MEGF11: variants seen among roughly 807,000 people sequenced by gnomAD.
MEGF11 encodes the protein multiple epidermal growth factor-like domains protein 11.
In MEGF11, 126 loss-of-function variants were observed where a neutral mutation model predicts 146.6. The observed-to-expected ratio is 0.86, with a 90% confidence interval of 0.74 to 1.00. The LOEUF (loss-of-function observed/expected upper bound fraction) is 1.00. Ranked by LOEUF, MEGF11 falls within the 50% of genes least tolerant of loss-of-function variation. The pLI is 0.00. For synonymous variants in MEGF11, 532 were observed against 583.4 expected (o/e 0.91, Z 1.27); for missense variants, 1,509 against 1,521.2 (o/e 0.99, Z 0.13).
At chr15:66,108,604 C>A (rs181906953) in intron 4 of MEGF11, among the ~76,000 whole-genome samples, 104 of 152,214 alleles carry the variant, frequency 6.8e-4, no homozygotes, top group Non-Finnish European at 8.4e-4. Flanking sequence ...GAGGGACGGG[C>A]CATCTGGTGC....
chr15:65,925,879 T>C (rs1288839885), intron 13 of MEGF11, among the ~76,000 whole-genome samples: 1 of 152,190 alleles, frequency 6.6e-6, no homozygotes, highest in East Asian at 1.9e-4. Context: ...GACAAGCATC[T>C]CTTTGATAAT....
chr15:65,966,082 G>A (rs942551895), intron 8 of MEGF11, among the ~76,000 whole-genome samples: 6 of 152,024 alleles, frequency 3.9e-5, no homozygotes, highest in Admixed American at 2.0e-4. Context: ...TGCAACCTCC[G>A]CCTCCCAGGT....
At chr15:65,962,123 A>G (rs1305126448) in intron 9 of MEGF11, among the ~76,000 whole-genome samples, 1 of 152,216 alleles carries the variant, frequency 6.6e-6, no homozygotes. Flanking sequence ...AACTGTCTTA[A>G]GATTAGAAGT....
chr15:65,982,305 TGTCGGCACTGGCACGGC>T lies in MEGF11; in HGVS notation c.561_577del (p.Pro188ArgfsTer36). ...GGCGCGGGGGTCGCAGCTGGCACCG[TGTCGGCACTGGCACGGC>T]AGCTGGCATCCCTTGCCGTGGGTGC... On this transcript the variant is annotated frameshift_variant, in exon 6 of 26. Transcript: ENST00000395614. LOFTEE classifies it high-confidence loss of function. The surrounding 1 kb of genome is among the most constrained non-coding windows in gnomAD (Gnocchi z 5.6). 1 of 1,538,300 alleles carries T rather than the reference TGTCGGCACTGGCACGGC, an allele frequency of 6.5e-7. No homozygotes were observed. The highest frequency in any genetic ancestry group is 8.7e-7 in the Non-Finnish European group (1 of 1,145,002).
At chr15:66,015,907 T>A (rs1387440416) in intron 5 of MEGF11, among the ~76,000 whole-genome samples, 2 of 12,134 alleles carry the variant, frequency 1.6e-4, no homozygotes, top group Non-Finnish European at 3.1e-4. Flanking sequence ...TGGGTGGGGT[T>A]GGGTGGGGTT....
intron 4 of MEGF11, among the ~76,000 whole-genome samples, chr15:66,114,009 A>G (rs2087588179): frequency 6.6e-6 from 1 of 151,976 alleles, no homozygotes; most frequent in Admixed American, 6.5e-5. Context: ...TGAATCAGAG[A>G]CTCTGGGACT....
At chr15:65,935,091 C>T (rs1049067691) in intron 10 of MEGF11, among the ~76,000 whole-genome samples, 1 of 151,984 alleles carries the variant, frequency 6.6e-6, no homozygotes, top group African/African-American at 2.4e-5. Flanking sequence ...GAGGTTGAGG[C>T]AGGCGGATCA....
chr15:65,922,303 C>T (rs1198553353), intron 15 of MEGF11, 35 bp downstream of exon 15: 2 of 1,599,272 alleles, frequency 1.3e-6, no homozygotes, highest in South Asian at 2.3e-5. Context: ...AACCTCTCAC[C>T]TCCCCACCCA....
At chr15:66,043,374 C>T (rs962308751) in intron 5 of MEGF11, among the ~76,000 whole-genome samples, 6 of 152,356 alleles carry the variant, frequency 3.9e-5, no homozygotes, top group East Asian at 1.9e-4. Context: ...ATGCTGGGGG[C>T]GTCCTGGGGG....
intron 5 of MEGF11, among the ~76,000 whole-genome samples, chr15:66,072,281 C>T (rs1043343089): frequency 3.3e-5 from 5 of 152,204 alleles, no homozygotes; most frequent in African/African-American, 1.2e-4. Flanking sequence ...GAACACAAAG[C>T]TCCCCTAGTT....
intron 10 of MEGF11, among the ~76,000 whole-genome samples, chr15:65,933,780 C>T (rs114025889): frequency 1.3e-5 from 2 of 152,344 alleles, no homozygotes; most frequent in African/African-American, 4.8e-5. Flanking sequence ...CCTGCTTCCA[C>T]AGCTTATTCA....
intron 1 of MEGF11, among the ~76,000 whole-genome samples, chr15:66,249,355 A>G (rs1230213684): frequency 6.6e-6 from 1 of 152,128 alleles, no homozygotes; most frequent in Non-Finnish European, 1.5e-5. Flanking sequence ...TTTTTGGACA[A>G]TGACCACCCA....
intron 1 of MEGF11, among the ~76,000 whole-genome samples, chr15:66,235,836 C>T (rs1803694861): frequency 6.6e-6 from 1 of 152,194 alleles, no homozygotes; most frequent in South Asian, 2.1e-4. Context: ...AGGCAAGCAT[C>T]AAGTCTCCAT....
intron 1 of MEGF11, among the ~76,000 whole-genome samples, chr15:66,171,407 G>T (rs570768021): frequency 1.3e-5 from 2 of 151,118 alleles, no homozygotes; most frequent in African/African-American, 4.8e-5. Context: ...TGGAGCAGAC[G>T]GAGGATGATG....
At chr15:66,228,546 C>T (rs74658017) in intron 1 of MEGF11, among the ~76,000 whole-genome samples, 32,103 of 152,104 alleles carry the variant, frequency 0.21, 3,753 homozygotes, top group Admixed American at 0.27. Flanking sequence ...CTGCAGGGCA[C>T]GAGCTCTTGG....
At chr15:66,125,683 C>T (rs995890395) in intron 2 of MEGF11, among the ~76,000 whole-genome samples, 1 of 152,226 alleles carries the variant, frequency 6.6e-6, no homozygotes, top group Non-Finnish European at 1.5e-5. Flanking sequence ...CATGCTTAAA[C>T]AGTAAGTGTT....
chr15:66,221,067 T>C (rs1421947675), intron 1 of MEGF11, among the ~76,000 whole-genome samples: 1 of 152,148 alleles, frequency 6.6e-6, no homozygotes, highest in East Asian at 1.9e-4. Context: ...CCAAGAACTC[T>C]CTACTATTTT....
intron 1 of MEGF11, among the ~76,000 whole-genome samples, chr15:66,160,242 C>CCCCTCTCTCTCT (rs1555477655): frequency 7.5e-6 from 1 of 133,410 alleles, no homozygotes; most frequent in Non-Finnish European, 1.6e-5. Context: ...AAGGAAAAGC[C>CCCCTCTCTCTCT]CTCTCTCTCT....
chr15:66,126,298 C>A (rs2088341889), intron 2 of MEGF11, among the ~76,000 whole-genome samples: 1 of 152,160 alleles, frequency 6.6e-6, no homozygotes, highest in African/African-American at 2.4e-5. Context: ...AAGAAAGCAC[C>A]TGGTGTCACC....
Sources: allele counts gnomAD v4.1 joint callset (sites outside exome capture counted in the v4.1 genomes callset), GRCh38; gene constraint gnomAD v4.1.1; non-coding constraint Gnocchi (gnomAD v3.1); transcripts MANE v1.5; gene names NCBI Gene and HGNC (gene_info 2026-07-23, HGNC 2026-07-21).